Variants in ARL10 observed in about 807,000 individuals in gnomAD.
The protein encoded by ARL10 is ARF like GTPase 10.
In ARL10, 23 loss-of-function variants were observed where a neutral mutation model predicts 26.1. The ratio of observed to expected loss-of-function variants is 0.88; its 90% confidence interval spans 0.63 to 1.25. The LOEUF (loss-of-function observed/expected upper bound fraction) is 1.25. Among genes scored for constraint, ARL10 ranks in the 50% most tolerant of loss-of-function variants. The pLI is 0.00. For missense variants in ARL10, 300 were observed against 323.6 expected (o/e 0.93, Z 0.56); for synonymous variants, 138 against 149.1 (o/e 0.93, Z 0.54).
At chr5:176,390,337 C>A (rs1240846024), downstream of ARL10, among the ~76,000 whole-genome samples, 1 of 152,112 alleles carries the variant, frequency 6.6e-6, no homozygotes, top group East Asian at 1.9e-4. Context: ...CTCCCATAGT[C>A]GGGTCAGAGG....
At chr5:176,366,283 G>A (rs1768296442) in intron 1 of ARL10, 97 bp from the exon 2 acceptor site, 1 of 1,415,660 alleles carries the variant, frequency 7.1e-7, no homozygotes, top group East Asian at 2.5e-5. Flanking sequence ...CAGGACGGGT[G>A]GAAGGCGGGC....
intron 1 of ARL10, among the ~76,000 whole-genome samples, chr5:176,399,877 CA>C (rs750656977): frequency 2.3e-3 from 253 of 108,688 alleles, no homozygotes; most frequent in Admixed American, 2.4e-3. Flanking sequence ...GACTTGGTCT[CA>C]AAAAAAAAAA....
downstream of ARL10, chr5:176,392,718 GCTC>G: frequency 6.3e-7 from 1 of 1,590,778 alleles, no homozygotes; most frequent in Non-Finnish European, 8.6e-7. The surrounding 1 kb of genome is among the most constrained non-coding windows in gnomAD (Gnocchi z 5.2). Context: ...CAAAGCAGCT[GCTC>G]CTCCTGTGCC....
intron 1 of ARL10, among the ~76,000 whole-genome samples, chr5:176,400,282 A>T (rs921412155): frequency 2.6e-5 from 4 of 152,230 alleles, no homozygotes; most frequent in East Asian, 1.9e-4. Context: ...TAATACTATA[A>T]TATTTGTGAG....
chr5:176,366,481 CGT>C lies in ARL10; in HGVS notation c.288_289del (p.Leu97ValfsTer26). ...DGAGKSTFLR[V>X]LSGKPPLEGH... is the part of the protein sequence containing the mutation. ...GCGCAGGCAAGAGCACGTTCCTGCG[CGT>C]GTTGTCGGGGAAGCCACCGCTGGAA... On this transcript the variant is annotated frameshift_variant, in exon 2 of 4. Transcript: ENST00000310389. LOFTEE classifies it high-confidence loss of function. 6.2e-7 allele frequency: 1 copy of C among 1,614,008 alleles called. No homozygotes were observed. Among genetic ancestry groups the C allele is most frequent in the Non-Finnish European group, 8.5e-7 (1 of 1,180,022 alleles).
Position 176,365,687 on chromosome 5 carries a change from C to G in ARL10, c.124C>G (p.Arg42Gly). ...CCGCGGCCGAGAGCGGCGCTGGGAC[C>G]GGGGAGAGGCCTGGTGGGGCGCGGA... ...FGRGRERRWD[R>G]GEAWWGAEAA... is the part of the protein sequence containing the mutation. Residue 42 changes from arginine (R) to glycine (G), a missense_variant, in exon 1 of 4, where the codon CGG becomes GGG. By Grantham distance (125) the Arg-to-Gly change is moderately radical. Coordinates refer to ENST00000310389, the MANE Select transcript of ARL10 (RefSeq NM_173664.6). 8.0e-7 allele frequency: 1 copy of G among 1,243,900 alleles called. No individual in the cohort carries two copies. Among genetic ancestry groups the G allele is most frequent in the Non-Finnish European group, 1.0e-6 (1 of 992,630 alleles). 77.1% of individuals were successfully genotyped at this position (1,243,900 alleles called of 1,614,324 possible). A position where few individuals can be genotyped will look rare whatever the true frequency, so the allele number is the denominator to read the frequency against.
downstream of ARL10, among the ~76,000 whole-genome samples, chr5:176,404,928 T>C (rs1448144737): frequency 6.6e-6 from 1 of 152,204 alleles, no homozygotes; most frequent in African/African-American, 2.4e-5. Flanking sequence ...GTGCAGGCTC[T>C]GGCGCCTGAT....
intron 3 of ARL10, among the ~76,000 whole-genome samples, chr5:176,371,278 A>G (rs144509804): frequency 1.8e-4 from 27 of 152,304 alleles, no homozygotes; most frequent in South Asian, 4.1e-4. Flanking sequence ...GGGAGGCTGA[A>G]GCAGGAGAAT....
chr5:176,384,890 C>T (rs970736598), downstream of ARL10: 7 of 524,936 alleles, frequency 1.3e-5, no homozygotes, highest in African/African-American at 9.5e-5. Flanking sequence ...CCAGTGTAGC[C>T]GGATCTTTCA....
Position 176,393,665 on chromosome 5 carries a change from T to C in ARL10, c.134-8076T>C, listed in dbSNP as rs1756358651. On this transcript the variant is annotated intron_variant, in intron 1 of 1. Coordinates refer to the ARL10 transcript ENST00000514533. The surrounding 1 kb of genome is among the most constrained non-coding windows in gnomAD (Gnocchi z 4.4). ...CTCTGAGGAGCCACAGCCTGGGGCA[T>C]GAATGCTCCACTGGAGTCTGCTTTT... Among the ~76,000 whole-genome samples, 1 of 152,184 alleles carries C rather than the reference T, an allele frequency of 6.6e-6. No homozygotes were observed. Among genetic ancestry groups the C allele is most frequent in the Non-Finnish European group, 1.5e-5 (1 of 68,040 alleles).
chr5:176,397,258 G>A (rs772983742), intron 1 of ARL10, among the ~76,000 whole-genome samples: 31 of 152,136 alleles, frequency 2.0e-4, no homozygotes, highest in Non-Finnish European at 3.4e-4. Context: ...GAAGGACAGA[G>A]CCTCAAAGGC....
At chr5:176,390,628 AAAAC>A (rs886074313), downstream of ARL10, among the ~76,000 whole-genome samples, 76 of 152,136 alleles carry the variant, frequency 5.0e-4, no homozygotes, top group African/African-American at 1.7e-3. Context: ...GTAGAATACT[AAAAC>A]AACATGGTTT....
At chr5:176,388,465 A>G in exon 2 of ARL10, 1 of 1,614,202 alleles carries the variant, frequency 6.2e-7, no homozygotes, top group South Asian at 1.1e-5. Flanking sequence ...TCCGTCGAGC[A>G]TTCCGGTTCA....
downstream of ARL10, among the ~76,000 whole-genome samples, chr5:176,403,557 C>T (rs1175797829): frequency 1.3e-5 from 2 of 151,152 alleles, no homozygotes; most frequent in African/African-American, 4.9e-5. Flanking sequence ...CGGGTTCAAG[C>T]AATTCTCCTC....
chr5:176,384,377 A>AAGAT, downstream of ARL10: 2 of 1,610,106 alleles, frequency 1.2e-6, no homozygotes, highest in Admixed American at 1.7e-5. Context: ...GCCATGGCCT[A>AAGAT]AGAGGAGAAG....
rs1003975929 is a variant in ARL10 at position 176,379,359 on chromosome 5, G to C, written c.*7464G>C. 6.8e-6 allele frequency: 1 copy of C among 146,220 alleles called. No individual in the cohort carries two copies. The highest frequency in any genetic ancestry group is 2.5e-5 in the African/African-American group (1 of 40,376). 9.1% of individuals were successfully genotyped at this position (146,220 alleles called of 1,614,324 possible). On this transcript the variant is annotated 3_prime_UTR_variant, in exon 4 of 4. Transcript: ENST00000310389. ...TATTTTTTGTATTTAGTAGAGATGG[G>C]GTTTCACCGTGTTCGTCAGGGCTGG...
chr5:176,367,227 TTGAACTCC>T (rs1365945600), intron 2 of ARL10, among the ~76,000 whole-genome samples: 3 of 152,142 alleles, frequency 2.0e-5, no homozygotes, highest in Non-Finnish European at 4.4e-5. Flanking sequence ...CAGGCTAGTC[TTGAACTCC>T]TGACCTCAAG....
In ARL10 at chr5:176,368,567, T is replaced by C. The variant is rs534926584; in HGVS notation, c.386-240T>C. Among the ~76,000 whole-genome samples, 3 of 152,146 alleles carry C rather than the reference T, an allele frequency of 2.0e-5. No homozygotes were observed. The highest frequency in any genetic ancestry group is 2.0e-4 in the Admixed American group (3 of 15,282). On this transcript the variant is annotated intron_variant, in intron 2 of 3. Transcript: ENST00000310389. This position sits in a 1 kb window ranked among gnomAD's most constrained non-coding sequence, Gnocchi z 4.1. Reference sequence around the variant, plus strand: ...GGACTTGCCCCAAGAGACCCGCCTATCAGAGCTAGAGCTAAATCCAGTCTG... The same window carrying C: ...GGACTTGCCCCAAGAGACCCGCCTACCAGAGCTAGAGCTAAATCCAGTCTG...
downstream of ARL10, among the ~76,000 whole-genome samples, chr5:176,404,487 G>A (rs568131299): frequency 6.6e-6 from 1 of 152,220 alleles, no homozygotes; most frequent in African/African-American, 2.4e-5. Context: ...CTAGCCCACA[G>A]CCAGCCAGCT....
Sources: allele counts gnomAD v4.1 joint callset (sites outside exome capture counted in the v4.1 genomes callset), GRCh38; gene constraint gnomAD v4.1.1; non-coding constraint Gnocchi (gnomAD v3.1); transcripts MANE v1.5; gene names NCBI Gene and HGNC (gene_info 2026-07-23, HGNC 2026-07-21).